NUDCD3: variants seen among roughly 807,000 people sequenced by gnomAD.
The protein encoded by NUDCD3 is nudC domain-containing protein 3.
Under a neutral mutation model 39.7 loss-of-function variants are expected in NUDCD3, and 13 were observed. The ratio of observed to expected loss-of-function variants is 0.33; its 90% CI spans 0.21 to 0.52. The LOEUF is 0.52. Ranked by LOEUF, NUDCD3 falls within the 20% of genes least tolerant of loss-of-function variation. NUDCD3 has a pLI of 0.96. For missense variants in NUDCD3, 453 were observed against 458.1 expected (o/e 0.99, Z 0.10); for synonymous variants, 175 against 172.4 (o/e 1.02, Z -0.12).
At chr7:44,478,566 G>A (rs1196982283) in intron 2 of NUDCD3, among the ~76,000 whole-genome samples, 1 of 152,212 alleles carries the variant, frequency 6.6e-6, no homozygotes, top group Admixed American at 6.5e-5. Context: ...AAAAGAAAAA[G>A]ATAGGTTCCT....
chr7:44,410,400 C>T lies in NUDCD3; in HGVS notation c.643-5817G>A, dbSNP rs1038338326. ...AAAAACAGCCAGGCACAGTGGCTCA[C>T]GCCTGTAATCCCAGCACTTTGGGAG... On this transcript the variant is annotated intron_variant, in intron 3 of 5. Transcript: ENST00000355451. 5.9e-5 allele frequency among the ~76,000 whole-genome samples: 9 copies of T among 152,198 alleles called. No homozygotes were observed. The South Asian group carries it at 8.3e-4, about 14-fold the overall frequency.
At chr7:44,407,079 TG>T (rs1271178330) in intron 3 of NUDCD3, among the ~76,000 whole-genome samples, 1 of 151,986 alleles carries the variant, frequency 6.6e-6, no homozygotes, top group Non-Finnish European at 1.5e-5. Context: ...TGTGGATGCC[TG>T]TGTGTCAAGT....
chr7:44,489,918 C>T (rs1380451628), intron 1 of NUDCD3: 2 of 152,824 alleles, frequency 1.3e-5, no homozygotes, highest in Non-Finnish European at 2.9e-5. Flanking sequence ...CGGAATTAAG[C>T]TCAAATAGAA....
At chr7:44,387,604 C>T (rs1798422306) in intron 5 of NUDCD3, among the ~76,000 whole-genome samples, 1 of 152,278 alleles carries the variant, frequency 6.6e-6, no homozygotes, top group African/African-American at 2.4e-5. Context: ...TTCAACAGAA[C>T]CCCAGCCAGC....
intron 2 of NUDCD3, among the ~76,000 whole-genome samples, chr7:44,438,561 A>C (rs1799510166): frequency 6.6e-6 from 1 of 151,894 alleles, no homozygotes; most frequent in South Asian, 2.1e-4. Flanking sequence ...ACCAGCCCTA[A>C]TCAAGACCCC....
In NUDCD3 at chr7:44,484,967, C is replaced by T; in HGVS notation, c.509+1G>A. ...GGAAGCTGCAAAGTAGAAATTCCCA[C>T]CTGGGAAGAATTGGTGGTTCCCTAG... On this transcript the variant is annotated splice_donor_variant, in intron 2 of 5. Coordinates refer to ENST00000355451, the MANE Select transcript of NUDCD3 (RefSeq NM_015332.4). LOFTEE classifies it high-confidence loss of function. 6.3e-7 allele frequency: 1 copy of T among 1,588,722 alleles called. No homozygotes were observed. Among genetic ancestry groups the T allele is most frequent in the Non-Finnish European group, 8.6e-7 (1 of 1,167,068 alleles).
intron 1 of NUDCD3, among the ~76,000 whole-genome samples, chr7:44,489,270 T>C (rs1800682684): frequency 6.6e-6 from 1 of 152,236 alleles, no homozygotes; most frequent in African/African-American, 2.4e-5. Flanking sequence ...CCAACAGCTC[T>C]CTCATCACTA....
intron 4 of NUDCD3, among the ~76,000 whole-genome samples, chr7:44,399,783 C>G (rs1396636280): frequency 6.6e-6 from 1 of 152,130 alleles, no homozygotes; most frequent in African/African-American, 2.4e-5. Flanking sequence ...GAGAAATAAT[C>G]TAAATTGAGG....
At position 44,427,655 on chromosome 7, in the gene NUDCD3, G is replaced by A. The variant is rs1258640028; in HGVS notation, c.558C>T (p.Val186=). The A allele has an allele frequency of 6.2e-7, 1 of 1,613,882 alleles. No homozygotes were observed. The highest frequency in any genetic ancestry group is 1.1e-5 in the South Asian group (1 of 91,070). Residue 186 remains valine, a synonymous_variant, in exon 3 of 6, where the codon GTC becomes GTT. Coordinates refer to ENST00000355451, the MANE Select transcript of NUDCD3 (RefSeq NM_015332.4). The part of the protein sequence containing the change: ...QKNPDSYNGA[V]RENYTWSQDY... ...CCTGTGACCAGGTGTAGTTCTCTCG[G>A]ACAGCACCATTGTAACTGTCGGGAT... is the stretch of plus-strand genomic sequence containing the variant.
At chr7:44,396,116 TG>T (rs1257652740) in intron 4 of NUDCD3, among the ~76,000 whole-genome samples, 23 of 151,644 alleles carry the variant, frequency 1.5e-4, no homozygotes, top group Non-Finnish European at 3.2e-4. Context: ...TGTGTGTGTG[TG>T]TGTGTGTGTT....
intron 5 of NUDCD3, 114 bp from the exon 6 acceptor site, chr7:44,386,235 C>T: frequency 1.7e-6 from 2 of 1,171,018 alleles, no homozygotes; most frequent in Non-Finnish European, 1.2e-6. Context: ...GGCTCAGGCA[C>T]TTGCCTGGCA....
Position 44,490,491 on chromosome 7 carries a change from T to C in NUDCD3, c.110A>G (p.Lys37Arg), listed in dbSNP as rs569119981. The C allele has an allele frequency of 2.0e-5, 32 of 1,609,612 alleles. No individual in the cohort carries two copies. In the African/African-American group the frequency reaches 3.5e-4, roughly 18 times the overall value. The change falls in exon 1 of 6, where the codon AAG (lysine) becomes AGG (arginine). Residue 37 changes from lysine to arginine, a missense_variant. Physicochemically the swap from Lys to Arg is conservative, Grantham distance 26. Transcript: ENST00000355451. Reference protein sequence around the residue: ...LRVLFGFLYRKTDFYRLLRHP... With the variant: ...LRVLFGFLYRRTDFYRLLRHP... ...GCGCAGCAAGCGATAGAAGTCTGTC[T>C]TGCGGTAGAGGAAGCCAAAGAGAAC...
At chr7:44,395,793 T>C (rs942501822) in intron 4 of NUDCD3, among the ~76,000 whole-genome samples, 1 of 152,246 alleles carries the variant, frequency 6.6e-6, no homozygotes, top group African/African-American at 2.4e-5. Context: ...TTCCACTGTA[T>C]GGATAAACCA....
At chr7:44,457,445 TAAAC>T (rs1799925835) in intron 2 of NUDCD3, among the ~76,000 whole-genome samples, 1 of 152,176 alleles carries the variant, frequency 6.6e-6, no homozygotes, top group Non-Finnish European at 1.5e-5. Context: ...TATGCATTAA[TAAAC>T]AAATTTAGCA....
Position 44,490,424 on chromosome 7 carries a change from C to A in NUDCD3, c.177G>T (p.Gln59His). 1 of 1,572,678 alleles carries A rather than the reference C, an allele frequency of 6.4e-7. No individual in the cohort carries two copies. The highest frequency in any genetic ancestry group is 8.6e-7 in the Non-Finnish European group (1 of 1,160,252). ...DRMGFPPGAA[Q>H]ALVLQVFKTF... ...CCCGCCTCACCTGCAGCACCAAGGCCTGCGCGGCCCCGGGCGGGAAGCCCA... is the reference window on the plus strand; with the variant it reads ...CCCGCCTCACCTGCAGCACCAAGGCATGCGCGGCCCCGGGCGGGAAGCCCA... Residue 59 changes from glutamine (Q) to histidine (H), a missense_variant, in exon 1 of 6, where the codon CAG becomes CAT. Physicochemically the swap from Gln to His is conservative, Grantham distance 24. Coordinates refer to ENST00000355451, the MANE Select transcript of NUDCD3 (RefSeq NM_015332.4).
intron 2 of NUDCD3, among the ~76,000 whole-genome samples, chr7:44,484,136 A>G (rs1350326691): frequency 2.6e-5 from 4 of 152,224 alleles, no homozygotes; most frequent in African/African-American, 4.8e-5. Flanking sequence ...GACCCATCCT[A>G]TCAAGGAGGG....
At chr7:44,388,721 G>GTC (rs1440617793) in intron 5 of NUDCD3, among the ~76,000 whole-genome samples, 3 of 152,194 alleles carry the variant, frequency 2.0e-5, no homozygotes. Context: ...TTGAGGAGCA[G>GTC]GTCAATCTCA....
intron 4 of NUDCD3, among the ~76,000 whole-genome samples, chr7:44,401,640 A>G (rs1425263749): frequency 6.6e-6 from 1 of 152,242 alleles, no homozygotes; most frequent in Non-Finnish European, 1.5e-5. Context: ...CAGTGTTTCA[A>G]TTGTAGAGGA....
At chr7:44,405,528 G>A (rs1331847756) in intron 3 of NUDCD3, among the ~76,000 whole-genome samples, 1 of 152,174 alleles carries the variant, frequency 6.6e-6, no homozygotes, top group African/African-American at 2.4e-5. Flanking sequence ...GCATTAAGAA[G>A]ACACTGGGAT....
Sources: gnomAD v4.1 joint callset for allele counts (sites outside exome capture counted in the v4.1 genomes callset) on GRCh38, gnomAD v4.1.1 for gene constraint, MANE v1.5 for transcripts, NCBI Gene and HGNC (gene_info 2026-07-23, HGNC 2026-07-21) for gene names.